The following CC2D2B variants were observed in gnomAD, a reference collection of about 807,000 sequenced individuals.
The protein encoded by CC2D2B is protein CC2D2B.
CC2D2B carries 128 observed loss-of-function variants against 161.2 expected under a neutral mutation model. The ratio of observed to expected loss-of-function variants is 0.79; its 90% CI spans 0.69 to 0.92. The LOEUF (loss-of-function observed/expected upper bound fraction) is 0.92. Among genes scored for constraint, CC2D2B ranks in the 40% least tolerant of loss-of-function variants. The probability of loss-of-function intolerance (pLI) is 0.00; values close to 1 mark genes in which losing one functional copy is unlikely to be tolerated. For missense variants in CC2D2B, 1,173 were observed against 1,375.1 expected (o/e 0.85, Z 2.32); for synonymous variants, 391 against 449.8 (o/e 0.87, Z 1.65).
rs577537593 is a variant in CC2D2B, at chr10:95,981,132, G to A, written c.1944-843G>A. ...CTCATGGCAGGGCACAGTGGCTCATGCCTGTAATCCCAGCACTTTGGGAGG... is the reference window on the plus strand; with the variant it reads ...CTCATGGCAGGGCACAGTGGCTCATACCTGTAATCCCAGCACTTTGGGAGG... On this transcript the variant is annotated intron_variant, in intron 17 of 34. Coordinates refer to ENST00000646931, the MANE Select transcript of CC2D2B (RefSeq NM_001349008.3). 2.4e-4 allele frequency among the ~76,000 whole-genome samples: 36 copies of A among 152,272 alleles called. 1 individual carries two copies. In the South Asian group the frequency reaches 4.4e-3, roughly 18 times the overall value.
rs1590966172 is a variant in CC2D2B at position 96,032,581 on chromosome 10, G to A, written c.*573G>A. 1 of 319,880 alleles carries A rather than the reference G, an allele frequency of 3.1e-6. No homozygotes were observed. Among genetic ancestry groups the A allele is most frequent in the East Asian group, 7.8e-5 (1 of 12,866 alleles). 19.8% of individuals were successfully genotyped at this position (319,880 alleles called of 1,614,324 possible). On this transcript the variant is annotated 3_prime_UTR_variant, in exon 35 of 35. Coordinates refer to ENST00000646931, the MANE Select transcript of CC2D2B (RefSeq NM_001349008.3). The stretch of plus-strand genomic sequence containing the variant: ...TGATGCTGGGTCTGATACAATTTCA[G>A]ATGGAAGCTGCTCGAGTGGAAAACT...
chr10:95,996,845 A>G (rs2078248275), intron 24 of CC2D2B, among the ~76,000 whole-genome samples: 1 of 152,220 alleles, frequency 6.6e-6, no homozygotes, highest in Non-Finnish European at 1.5e-5. Flanking sequence ...AATGCTGGGA[A>G]GTGAGGCCTA....
At chr10:96,018,055 A>G (rs2079282191) in intron 30 of CC2D2B, among the ~76,000 whole-genome samples, 1 of 152,186 alleles carries the variant, frequency 6.6e-6, no homozygotes, top group Admixed American at 6.5e-5. Context: ...GGCTCTTTTG[A>G]CAAGGCTCTT....
At chr10:95,979,327 C>T (rs57635810) in intron 17 of CC2D2B, among the ~76,000 whole-genome samples, 33,874 of 152,014 alleles carry the variant, frequency 0.22, 4,157 homozygotes, top group African/African-American at 0.31. Flanking sequence ...TGGGTTGCTA[C>T]TGGAGTCATC....
chr10:95,977,108 A>ATG (rs201436515), intron 17 of CC2D2B, among the ~76,000 whole-genome samples: 1 of 302 alleles, frequency 3.3e-3, no homozygotes, highest in African/African-American at 0.013. Flanking sequence ...GTGGTGGCTC[A>ATG]CCGTGTAATC....
chr10:95,915,218 G>A (rs552178244), intron 2 of CC2D2B, among the ~76,000 whole-genome samples: 45 of 152,234 alleles, frequency 3.0e-4, no homozygotes, highest in African/African-American at 1.0e-3. Flanking sequence ...ATTGTTTGCT[G>A]TTGGCATATA....
chr10:95,915,690 A>T (rs1052919900), intron 2 of CC2D2B, among the ~76,000 whole-genome samples: 8 of 152,164 alleles, frequency 5.3e-5, no homozygotes, highest in African/African-American at 9.7e-5. Context: ...TTCTGTTGGT[A>T]TGATGTATCA....
intron 6 of CC2D2B, among the ~76,000 whole-genome samples, chr10:95,927,685 T>C (rs555098099): frequency 6.6e-6 from 1 of 151,880 alleles, no homozygotes; most frequent in East Asian, 1.9e-4. Flanking sequence ...TGTGTTTTCT[T>C]TTTTCTTTCT....
At chr10:95,948,079 T>C (rs1408603078) in intron 9 of CC2D2B, among the ~76,000 whole-genome samples, 2 of 152,160 alleles carry the variant, frequency 1.3e-5, no homozygotes, top group East Asian at 3.8e-4. Flanking sequence ...CAACTTCCAC[T>C]CCACCAGCAC....
At chr10:96,025,363 CAAAAAAAAAAAAAA>C (rs35860002) in intron 33 of CC2D2B, among the ~76,000 whole-genome samples, 1 of 52,504 alleles carries the variant, frequency 1.9e-5, no homozygotes, top group East Asian at 6.2e-4. Flanking sequence ...TGAGGCCTTG[CAAAAAAAAAAAAAA>C]AAAAAAAAGT....
intron 17 of CC2D2B, among the ~76,000 whole-genome samples, chr10:95,976,096 C>T (rs2077303992): frequency 6.6e-6 from 1 of 152,156 alleles, no homozygotes; most frequent in Non-Finnish European, 1.5e-5. Flanking sequence ...TGTCCATCTC[C>T]CTAGGCTGTT....
chr10:96,013,558 G>C (rs1053683018), intron 28 of CC2D2B, among the ~76,000 whole-genome samples: 15 of 151,628 alleles, frequency 9.9e-5, no homozygotes, highest in African/African-American at 2.7e-4. Context: ...TGTGCAGTCA[G>C]CCCAACTTGG....
intron 11 of CC2D2B, among the ~76,000 whole-genome samples, chr10:95,959,709 T>C (rs1590608316): frequency 6.6e-6 from 1 of 150,632 alleles, no homozygotes; most frequent in African/African-American, 2.4e-5. Flanking sequence ...AATGCAAGGA[T>C]GGTTCAACAT....
chr10:95,976,951 T>C (rs2077338430), intron 17 of CC2D2B, among the ~76,000 whole-genome samples: 1 of 152,186 alleles, frequency 6.6e-6, no homozygotes, highest in African/African-American at 2.4e-5. Flanking sequence ...GGTCTCTCCA[T>C]GTTGGTCAGG....
At chr10:95,933,846 GAGGCAC>G (rs2075703994) in intron 6 of CC2D2B, among the ~76,000 whole-genome samples, 1 of 152,202 alleles carries the variant, frequency 6.6e-6, no homozygotes, top group Non-Finnish European at 1.5e-5. Flanking sequence ...TCCCAGTCAG[GAGGCAC>G]AGGGGTCAGG....
chr10:96,010,292 G>C (rs2078930166), intron 26 of CC2D2B, among the ~76,000 whole-genome samples: 1 of 152,124 alleles, frequency 6.6e-6, no homozygotes, highest in Non-Finnish European at 1.5e-5. Context: ...TAAGACCTAT[G>C]ATTTGCACTA....
intron 24 of CC2D2B, among the ~76,000 whole-genome samples, chr10:96,003,386 T>G (rs1409991392): frequency 2.0e-5 from 3 of 150,998 alleles, no homozygotes; most frequent in African/African-American, 4.9e-5. Context: ...TTGGAGAAAA[T>G]TAACATGGGA....
At chr10:95,962,264 T>A (rs1317084232) in intron 12 of CC2D2B, among the ~76,000 whole-genome samples, 2 of 152,046 alleles carry the variant, frequency 1.3e-5, no homozygotes, top group Non-Finnish European at 2.9e-5. Flanking sequence ...CATGAAAAGA[T>A]GCTCAATATT....
chr10:95,932,037 A>ACTTG (rs2075621559), intron 6 of CC2D2B, among the ~76,000 whole-genome samples: 1 of 152,132 alleles, frequency 6.6e-6, no homozygotes, highest in African/African-American at 2.4e-5. Flanking sequence ...GTCTCTAAGG[A>ACTTG]CTTGCTTTAT....
Sources: gnomAD v4.1 joint callset for allele counts (sites outside exome capture counted in the v4.1 genomes callset) on GRCh38, gnomAD v4.1.1 for gene constraint, MANE v1.5 for transcripts, NCBI Gene and HGNC (gene_info 2026-07-23, HGNC 2026-07-21) for gene names.